The following ANO4 variants were observed in gnomAD, a reference collection of about 807,000 sequenced individuals.
ANO4 encodes anoctamin-4.
A neutral mutation model predicts 141.9 loss-of-function variants in ANO4; 69 were observed. The ratio of observed to expected loss-of-function variants is 0.49; its 90% CI spans 0.40 to 0.59. The LOEUF (loss-of-function observed/expected upper bound fraction) is 0.59, where lower values mean the gene tolerates loss of function less well. Ranked by LOEUF, ANO4 falls within the 20% of genes least tolerant of loss-of-function variation. The pLI is 0.00. For synonymous variants in ANO4, 350 were observed against 394.3 expected, an observed-to-expected ratio of 0.89 and a Z score of 1.33; for missense variants, 894 against 1,162.2, an observed-to-expected ratio of 0.77 and a Z score of 3.36.
At chr12:100,931,327 A>G (rs2042081717) in intron 3 of ANO4, among the ~76,000 whole-genome samples, 1 of 152,202 alleles carries the variant, frequency 6.6e-6, no homozygotes, top group African/African-American at 2.4e-5. Context: ...CTACAGATGT[A>G]AAGTCTAGCT....
intron 3 of ANO4, among the ~76,000 whole-genome samples, chr12:100,745,716 A>G (rs1219464471): frequency 6.6e-6 from 1 of 152,224 alleles, no homozygotes; most frequent in African/African-American, 2.4e-5. Flanking sequence ...CTGCTTTAAG[A>G]TAATAGAATG....
chr12:100,877,377 A>T (rs991735009), intron 1 of ANO4, among the ~76,000 whole-genome samples: 3 of 151,270 alleles, frequency 2.0e-5, no homozygotes, highest in Non-Finnish European at 4.4e-5. Context: ...ATATCAAATC[A>T]TCACATTTTA....
chr12:100,970,655 C>CT (rs2043876747), intron 5 of ANO4, among the ~76,000 whole-genome samples: 1 of 124,102 alleles, frequency 8.1e-6, no homozygotes, highest in Non-Finnish European at 1.8e-5. Flanking sequence ...CTCCCTCCCT[C>CT]CCTCCCTCTC....
intron 17 of ANO4, among the ~76,000 whole-genome samples, chr12:101,087,590 T>G (rs2049559835): frequency 6.6e-6 from 1 of 152,136 alleles, no homozygotes; most frequent in Non-Finnish European, 1.5e-5. Context: ...ACCGCCAAGC[T>G]GGTACATATT....
chr12:101,033,102 T>C (rs1383655988), intron 9 of ANO4, among the ~76,000 whole-genome samples: 2 of 152,078 alleles, frequency 1.3e-5, no homozygotes, highest in Non-Finnish European at 2.9e-5. Context: ...GTTAAGAAAA[T>C]GTGGCACATA....
At chr12:100,895,568 T>A (rs1296630165) in intron 1 of ANO4, among the ~76,000 whole-genome samples, 1 of 151,622 alleles carries the variant, frequency 6.6e-6, no homozygotes, top group African/African-American at 2.4e-5. Context: ...TTTGTTTTTT[T>A]TTTTTTTTTG....
At chr12:101,086,579 CAG>C in intron 16 of ANO4, 79 bp from the exon 17 acceptor site, 1 of 1,519,010 alleles carries the variant, frequency 6.6e-7, no homozygotes, top group Non-Finnish European at 9.1e-7. Flanking sequence ...CTTTTCCCAT[CAG>C]AGGATGTTCC....
chr12:100,817,229 G>C (rs1253254367), intron 1 of ANO4, among the ~76,000 whole-genome samples: 4 of 151,804 alleles, frequency 2.6e-5, no homozygotes, highest in Non-Finnish European at 5.9e-5. Flanking sequence ...GGGTATACTT[G>C]TAAAACTTGC....
At chr12:100,990,498 A>G (rs2045043693) in intron 8 of ANO4, among the ~76,000 whole-genome samples, 4 of 152,222 alleles carry the variant, frequency 2.6e-5, no homozygotes, top group Admixed American at 2.6e-4. Context: ...TCTCTCACAT[A>G]TTTGAGAAGC....
Position 101,037,085 on chromosome 12 carries a change from G to A in ANO4, c.842-10G>A, listed in dbSNP as rs369682412. ...TGTATTAATTCAAATGGACTTATTT[G>A]CTGTTTTAGGTCTGAATCGTTTGCT... is the stretch of plus-strand genomic sequence containing the variant. On this transcript the variant is annotated splice_polypyrimidine_tract_variant and intron_variant, in intron 9 of 27. Transcript: ENST00000392977. 2.2e-5 allele frequency: 35 copies of A among 1,613,330 alleles called. No individual in the cohort carries two copies. The African/African-American group carries it at 4.0e-4, about 18-fold the overall frequency.
chr12:101,024,057 A>G (rs879655622), intron 9 of ANO4, among the ~76,000 whole-genome samples: 2 of 152,226 alleles, frequency 1.3e-5, no homozygotes, highest in Non-Finnish European at 2.9e-5. Flanking sequence ...ACATTTTTCA[A>G]CTTCACTCTG....
chr12:100,793,769 T>C (rs2034144810), upstream of ANO4, among the ~76,000 whole-genome samples: 2 of 152,178 alleles, frequency 1.3e-5, no homozygotes, highest in African/African-American at 4.8e-5. Context: ...CCCTATATAA[T>C]GTAATCATCA....
At chr12:100,984,827 A>G (rs1003255542) in intron 7 of ANO4, among the ~76,000 whole-genome samples, 3 of 152,112 alleles carry the variant, frequency 2.0e-5, no homozygotes, top group African/African-American at 7.2e-5. Flanking sequence ...CTCTCTTTTC[A>G]TCATCTCCAC....
chr12:100,796,562 A>C (rs1044142720), intron 1 of ANO4, among the ~76,000 whole-genome samples: 4 of 152,178 alleles, frequency 2.6e-5, no homozygotes, highest in Non-Finnish European at 5.9e-5. Flanking sequence ...AATAAAAAAC[A>C]AGAATTTGTA....
chr12:100,861,667 G>T (rs922244010), intron 1 of ANO4, among the ~76,000 whole-genome samples: 1 of 152,094 alleles, frequency 6.6e-6, no homozygotes, highest in Non-Finnish European at 1.5e-5. Flanking sequence ...AAATTTTTTT[G>T]TTTCTTCACT....
intron 1 of ANO4, among the ~76,000 whole-genome samples, chr12:100,857,406 A>G (rs2038232442): frequency 6.6e-6 from 1 of 152,156 alleles, no homozygotes; most frequent in African/African-American, 2.4e-5. Context: ...ACTGTTTTCC[A>G]TGTAGGATGT....
chr12:100,932,813 T>C (rs1425539713), intron 3 of ANO4, among the ~76,000 whole-genome samples: 1 of 152,192 alleles, frequency 6.6e-6, no homozygotes, highest in Non-Finnish European at 1.5e-5. Context: ...TCAGACTCTT[T>C]AGCTGATTTT....
At chr12:100,748,872 T>G (rs1254098805) in intron 3 of ANO4, among the ~76,000 whole-genome samples, 2 of 152,198 alleles carry the variant, frequency 1.3e-5, no homozygotes, top group Non-Finnish European at 2.9e-5. Context: ...AAAATAGCCC[T>G]GAAGGGGTAT....
chr12:100,900,604 T>C (rs4764766), intron 1 of ANO4, among the ~76,000 whole-genome samples: 88,116 of 151,870 alleles, frequency 0.58, 26,372 homozygotes, highest in East Asian at 0.89. Context: ...ATGTGGAACA[T>C]ATACACCACG....
Sources: allele counts gnomAD v4.1 joint callset (sites outside exome capture counted in the v4.1 genomes callset), GRCh38; gene constraint gnomAD v4.1.1; transcripts MANE v1.5; gene names NCBI Gene and HGNC (gene_info 2026-07-23, HGNC 2026-07-21).